Variants in ANXA8 observed in about 807,000 individuals in gnomAD.
ANXA8 encodes the protein annexin A8.
ANXA8 carries 9 observed loss-of-function variants against 26.8 expected under a neutral mutation model. The ratio of observed to expected loss-of-function variants is 0.34; its 90% CI spans 0.20 to 0.59. The LOEUF is 0.59. ANXA8 is among the 20% of genes least tolerant of loss of function. The pLI is 0.84. For missense variants in ANXA8, 83 were observed against 238.5 expected (o/e 0.35, Z 4.29); for synonymous variants, 39 against 94.8 (o/e 0.41, Z 3.42).
At chr10:47,599,424 C>CT in the ANXA8 span, among the ~76,000 whole-genome samples, 67 of 145,988 alleles carry the variant, frequency 4.6e-4, 2 homozygotes, top group South Asian at 8.6e-3. Context: ...AGACTAAGAT[C>CT]TTTTTTTTTT....
At chr10:47,745,381 G>C in the ANXA8 span, among the ~76,000 whole-genome samples, 1 of 149,430 alleles carries the variant, frequency 6.7e-6, no homozygotes, top group Non-Finnish European at 1.5e-5. Flanking sequence ...AGTCTTATGA[G>C]CAGGATTCCA....
At chr10:47,651,431 A>C in the ANXA8 span, among the ~76,000 whole-genome samples, 2 of 151,560 alleles carry the variant, frequency 1.3e-5, no homozygotes, top group East Asian at 3.9e-4. Flanking sequence ...TCAAAAAGTT[A>C]AACATACAGT....
upstream of ANXA8, among the ~76,000 whole-genome samples, chr10:47,489,026 CT>C (rs1424649265): frequency 6.1e-5 from 8 of 130,834 alleles, no homozygotes; most frequent in South Asian, 2.4e-4. Context: ...TTATTTTTTT[CT>C]TTTTTTTTGA....
At chr10:47,497,856 T>G in the ANXA8 span, among the ~76,000 whole-genome samples, 1 of 151,730 alleles carries the variant, frequency 6.6e-6, no homozygotes. Flanking sequence ...GGAGAATCAC[T>G]TGAACCCAGA....
At chr10:47,544,075 C>A in the ANXA8 span, among the ~76,000 whole-genome samples, 1 of 151,608 alleles carries the variant, frequency 6.6e-6, no homozygotes, top group Non-Finnish European at 1.5e-5. Context: ...AAACTGAAGG[C>A]ACGCACGAAG....
At chr10:47,960,567 T>C in the ANXA8 span, among the ~76,000 whole-genome samples, 1 of 149,918 alleles carries the variant, frequency 6.7e-6, no homozygotes, top group Non-Finnish European at 1.5e-5. Context: ...AGTAGCTTTT[T>C]TTGTAATAGT....
chr10:47,694,691 T>C, the ANXA8 span, among the ~76,000 whole-genome samples: 1,447 of 151,978 alleles, frequency 9.5e-3, 18 homozygotes, highest in South Asian at 0.022. Flanking sequence ...AGTTCTGGGA[T>C]TACAGGCGCG....
the ANXA8 span, among the ~76,000 whole-genome samples, chr10:47,548,686 A>G: frequency 1.3e-5 from 2 of 149,362 alleles, no homozygotes; most frequent in Non-Finnish European, 3.0e-5. Context: ...ATAAATGTAC[A>G]TTTTCCACAC....
At chr10:47,776,570 A>T in the ANXA8 span, among the ~76,000 whole-genome samples, 1 of 152,038 alleles carries the variant, frequency 6.6e-6, no homozygotes, top group Non-Finnish European at 1.5e-5. Flanking sequence ...CCCTTGGGGA[A>T]TAGAGTGAGT....
the ANXA8 span, among the ~76,000 whole-genome samples, chr10:47,535,333 G>C: frequency 3.8e-5 from 5 of 130,058 alleles, no homozygotes; most frequent in Admixed American, 3.7e-4. Flanking sequence ...AATGAATGGC[G>C]GTACCTTAGA....
the ANXA8 span, among the ~76,000 whole-genome samples, chr10:47,699,933 A>G: frequency 6.6e-6 from 1 of 151,900 alleles, no homozygotes; most frequent in African/African-American, 2.4e-5. Flanking sequence ...TAAAGAAGAT[A>G]GTTCAAAATA....
the ANXA8 span, among the ~76,000 whole-genome samples, chr10:47,673,361 G>T: frequency 6.6e-6 from 1 of 151,740 alleles, no homozygotes; most frequent in East Asian, 1.9e-4. Flanking sequence ...CTGGAATGCT[G>T]CAGGCAGGGG....
At chr10:47,740,248 AGGTCAC>A in the ANXA8 span, among the ~76,000 whole-genome samples, 1 of 144,968 alleles carries the variant, frequency 6.9e-6, no homozygotes, top group Non-Finnish European at 1.5e-5. Flanking sequence ...CCCCTTCTCT[AGGTCAC>A]GTCTATACTG....
chr10:47,508,885 C>CA, the ANXA8 span, among the ~76,000 whole-genome samples: 8 of 120,760 alleles, frequency 6.6e-5, no homozygotes, highest in Non-Finnish European at 9.7e-5. Flanking sequence ...TTGAAAAAAA[C>CA]CTTGCATAAG....
intron 11 of ANXA8, among the ~76,000 whole-genome samples, chr10:47,470,141 T>C (rs1246483465): frequency 6.6e-6 from 1 of 151,940 alleles, no homozygotes; most frequent in African/African-American, 2.4e-5. Flanking sequence ...ACTTGGAGTG[T>C]TTATACATTT....
Position 47,474,975 on chromosome 10 carries a change from C to T in ANXA8, c.522G>A (p.Val174=). The change falls in exon 7 of 12, where the codon GTG becomes GTA. Residue 174 remains valine (V), a synonymous_variant. Transcript: ENST00000585281. ...CGTCTTGGAGGGCCAGTCCTGGGTC[C>T]ACAAAGCTGCTCACATCATCCCTGC... ...QGSRDDVSSF[V]DPGLALQDAQ... is the part of the protein sequence containing the mutation. 1 of 1,530,106 alleles carries T rather than the reference C, an allele frequency of 6.5e-7. No homozygotes were observed. The highest frequency in any genetic ancestry group is 8.8e-7 in the Non-Finnish European group (1 of 1,131,494). 94.8% of individuals were successfully genotyped at this position (1,530,106 alleles called of 1,614,324 possible).
At chr10:47,557,412 C>T in the ANXA8 span, among the ~76,000 whole-genome samples, 3 of 150,832 alleles carry the variant, frequency 2.0e-5, no homozygotes, top group Admixed American at 6.6e-5. Flanking sequence ...TCATTACTTA[C>T]GGGTGGTCAT....
At chr10:47,487,291 TC>T, upstream of ANXA8, 2 of 1,079,604 alleles carry the variant, frequency 1.9e-6, no homozygotes, top group African/African-American at 1.6e-5. Context: ...TCCAAGTTTG[TC>T]CAGACTTTCT....
At chr10:47,733,523 T>C in the ANXA8 span, among the ~76,000 whole-genome samples, 1 of 123,952 alleles carries the variant, frequency 8.1e-6, no homozygotes, top group Non-Finnish European at 1.6e-5. Flanking sequence ...AAAACTTGAA[T>C]AGTTGATCAT....
Sources: gnomAD v4.1 joint callset for allele counts (sites outside exome capture counted in the v4.1 genomes callset) on GRCh38, gnomAD v4.1.1 for gene constraint, MANE v1.5 for transcripts, NCBI Gene and HGNC (gene_info 2026-07-23, HGNC 2026-07-21) for gene names.